The following CHRM3 variants were observed in gnomAD, a reference collection of about 807,000 sequenced individuals.
CHRM3 encodes the protein cholinergic receptor muscarinic 3.
CHRM3 carries 11 observed loss-of-function variants against 41.8 expected under a neutral mutation model. The ratio of observed to expected loss-of-function variants is 0.26; its 90% CI spans 0.17 to 0.44. The LOEUF is 0.44. CHRM3 is among the 20% of genes least tolerant of loss of function. CHRM3 has a pLI of 1.00. For missense variants in CHRM3, 571 were observed against 745.4 expected, an observed-to-expected ratio of 0.77 and a Z score of 2.72; for synonymous variants, 297 against 301.4, an observed-to-expected ratio of 0.99 and a Z score of 0.15.
rs1680367734 is a variant in CHRM3 at position 239,911,525 on chromosome 1, C to T, written c.*2301C>T. Reference sequence around the variant, plus strand: ...TGGAAACTCCTATCTTGCCTCCCTCCCAAAAGGGCTGTTTCTTTTATTAAA... The same window carrying T: ...TGGAAACTCCTATCTTGCCTCCCTCTCAAAAGGGCTGTTTCTTTTATTAAA... On this transcript the variant is annotated 3_prime_UTR_variant, in exon 7 of 7. Coordinates refer to ENST00000676153, the MANE Select transcript of CHRM3 (RefSeq NM_001375978.1). 6.0e-6 allele frequency: 1 copy of T among 165,294 alleles called. No homozygotes were observed. The highest frequency in any genetic ancestry group is 1.5e-5 in the Non-Finnish European group (1 of 67,952). The allele number at this position is 165,294 out of a possible 1,614,324, so 10.2% of individuals were successfully genotyped here. A position where few individuals can be genotyped will look rare whatever the true frequency, so the allele number is the denominator to read the frequency against.
intron 4 of CHRM3, among the ~76,000 whole-genome samples, chr1:239,651,906 A>C (rs901707250): frequency 6.6e-6 from 1 of 152,000 alleles, no homozygotes; most frequent in African/African-American, 2.4e-5. Flanking sequence ...GAGAAAGACA[A>C]ATTCCTTCAC....
intron 1 of CHRM3, among the ~76,000 whole-genome samples, chr1:239,447,577 C>A (rs1335885804): frequency 6.6e-6 from 1 of 152,036 alleles, no homozygotes; most frequent in Non-Finnish European, 1.5e-5. Flanking sequence ...TGTTCGTGAC[C>A]AGCCTGACCA....
intron 5 of CHRM3, among the ~76,000 whole-genome samples, chr1:239,691,958 A>C (rs1434540087): frequency 6.6e-6 from 1 of 152,200 alleles, no homozygotes; most frequent in African/African-American, 2.4e-5. Context: ...CTGGGGCAAG[A>C]GACCCCAGGG....
At chr1:239,511,198 A>C (rs1668895637) in intron 2 of CHRM3, among the ~76,000 whole-genome samples, 1 of 152,230 alleles carries the variant, frequency 6.6e-6, no homozygotes, top group Non-Finnish European at 1.5e-5. Context: ...TTATTTTATT[A>C]ACAACTGTGA....
At chr1:239,473,531 T>A (rs548906087) in intron 1 of CHRM3, among the ~76,000 whole-genome samples, 1 of 152,190 alleles carries the variant, frequency 6.6e-6, no homozygotes, top group Non-Finnish European at 1.5e-5. Flanking sequence ...ATTTGGAGGG[T>A]AGTTTAGCAA....
At chr1:239,595,429 T>G (rs1469584118) in intron 3 of CHRM3, among the ~76,000 whole-genome samples, 4 of 152,192 alleles carry the variant, frequency 2.6e-5, no homozygotes, top group Non-Finnish European at 4.4e-5. Flanking sequence ...TTCCATGACT[T>G]AAGATATTGA....
At chr1:239,599,445 C>A (rs548037672) in intron 3 of CHRM3, among the ~76,000 whole-genome samples, 311 of 86,968 alleles carry the variant, frequency 3.6e-3, no homozygotes, top group African/African-American at 0.013. Context: ...TTTTTTTTTT[C>A]TGACACTGTA....
At chr1:239,559,001 G>T (rs368917325) in intron 3 of CHRM3, among the ~76,000 whole-genome samples, 4 of 152,198 alleles carry the variant, frequency 2.6e-5, no homozygotes, top group African/African-American at 2.4e-5. Context: ...GTGAATTTTT[G>T]TGCCCAAAAA....
intron 3 of CHRM3, among the ~76,000 whole-genome samples, chr1:239,595,144 T>C (rs142362567): frequency 1.8e-3 from 273 of 152,320 alleles, no homozygotes; most frequent in African/African-American, 6.4e-3. Flanking sequence ...ACTGAACAAG[T>C]ATGGACTTTT....
At chr1:239,749,825 G>C (rs890418267) in intron 5 of CHRM3, among the ~76,000 whole-genome samples, 2 of 152,208 alleles carry the variant, frequency 1.3e-5, no homozygotes, top group African/African-American at 4.8e-5. Flanking sequence ...TAAAATTTAA[G>C]TAGGGTATTC....
chr1:239,822,748 T>A (rs1240415411), intron 5 of CHRM3, among the ~76,000 whole-genome samples: 1 of 152,236 alleles, frequency 6.6e-6, no homozygotes, highest in African/African-American at 2.4e-5. Flanking sequence ...ATTTGTGTTA[T>A]GGACACTAAC....
At chr1:239,879,141 T>A (rs1394401780) in intron 6 of CHRM3, among the ~76,000 whole-genome samples, 1 of 152,160 alleles carries the variant, frequency 6.6e-6, no homozygotes, top group Non-Finnish European at 1.5e-5. Flanking sequence ...CATTTCCATT[T>A]TTTTCTTAAG....
chr1:239,576,272 C>A (rs1004044091), intron 3 of CHRM3, among the ~76,000 whole-genome samples: 1 of 151,596 alleles, frequency 6.6e-6, no homozygotes, highest in Admixed American at 6.6e-5. Flanking sequence ...ACTCCCTACC[C>A]ACCCCCATCC....
intron 4 of CHRM3, among the ~76,000 whole-genome samples, chr1:239,641,306 T>A (rs1489084295): frequency 6.6e-6 from 1 of 151,756 alleles, no homozygotes; most frequent in African/African-American, 2.4e-5. Context: ...CTGAGTTCAA[T>A]TCCTGGATAT....
At chr1:239,496,353 A>T (rs1183804805) in intron 2 of CHRM3, among the ~76,000 whole-genome samples, 1 of 152,112 alleles carries the variant, frequency 6.6e-6, no homozygotes, top group East Asian at 1.9e-4. Context: ...AGTTTATTTA[A>T]TCTCTGTAAT....
intron 6 of CHRM3, chr1:239,898,273 T>TA (rs1679179582): frequency 6.6e-6 from 1 of 152,192 alleles, no homozygotes; most frequent in Admixed American, 6.5e-5. Flanking sequence ...GGGGAACGGG[T>TA]AGCTGCTTCA....
intron 6 of CHRM3, among the ~76,000 whole-genome samples, chr1:239,895,720 G>T (rs1422686526): frequency 6.6e-6 from 1 of 152,196 alleles, no homozygotes; most frequent in East Asian, 1.9e-4. Flanking sequence ...TGCAAGAACA[G>T]AAAACCAAAC....
chr1:239,706,112 A>T (rs1345817363), intron 5 of CHRM3, among the ~76,000 whole-genome samples: 1 of 148,994 alleles, frequency 6.7e-6, no homozygotes, highest in East Asian at 2.0e-4. Flanking sequence ...TATGTGAATT[A>T]TAAATAATTC....
chr1:239,505,259 GGATGATGATGAT>G (rs3028735), intron 2 of CHRM3, among the ~76,000 whole-genome samples: 9 of 144,782 alleles, frequency 6.2e-5, no homozygotes, highest in South Asian at 4.7e-4. Flanking sequence ...CTGTTTCCTG[GGATGATGATGAT>G]GATGATGATG....
Sources: gnomAD v4.1 joint callset for allele counts (sites outside exome capture counted in the v4.1 genomes callset) on GRCh38, gnomAD v4.1.1 for gene constraint, MANE v1.5 for transcripts, NCBI Gene and HGNC (gene_info 2026-07-23, HGNC 2026-07-21) for gene names.